SEM1: variants seen among roughly 807,000 people sequenced by gnomAD.
SEM1 encodes the protein SEM1 26S proteasome subunit.
Under a neutral mutation model 12.7 loss-of-function variants are expected in SEM1, and 3 were observed. That is an observed-to-expected ratio of 0.24 (90% CI 0.11 to 0.61). The LOEUF is 0.61. Among genes scored for constraint, SEM1 ranks in the 20% least tolerant of loss-of-function variants. The pLI is 0.88. For synonymous variants in SEM1, 30 were observed against 27.8 expected (o/e 1.08, Z -0.25); for missense variants, 59 against 81.3 (o/e 0.73, Z 1.06).
chr7:96,686,503 A>G (rs1338324462), downstream of SEM1, among the ~76,000 whole-genome samples: 1 of 152,188 alleles, frequency 6.6e-6, no homozygotes, highest in Non-Finnish European at 1.5e-5. Flanking sequence ...TAGGGTGACC[A>G]CATCCTGTAA....
At chr7:96,582,589 A>T (rs1469824472) in intron 2 of SEM1, among the ~76,000 whole-genome samples, 1 of 152,136 alleles carries the variant, frequency 6.6e-6, no homozygotes, top group Non-Finnish European at 1.5e-5. Context: ...TCGGCTGTGA[A>T]TCTGTCTGGT....
Position 96,706,707 on chromosome 7 carries a change from A to G in SEM1, c.76+2981T>C, listed in dbSNP as rs74492824. ...TGTAGCAACGCCACTCCCAAAAGAA[A>G]GACCCACTCCCAAAAGAAAATCTAT... On this transcript the variant is annotated intron_variant, in intron 1 of 2. Transcript: ENST00000248566. Among the ~76,000 whole-genome samples, 725 of 152,258 alleles carry G rather than the reference A, an allele frequency of 4.8e-3. 4 individuals carry two copies. The highest frequency in any genetic ancestry group is 7.1e-3 in the Non-Finnish European group (484 of 68,016).
At chr7:96,639,701 T>C (rs955247492) in intron 2 of SEM1, among the ~76,000 whole-genome samples, 2 of 151,834 alleles carry the variant, frequency 1.3e-5, no homozygotes, top group African/African-American at 2.4e-5. Context: ...AAAGGCATGA[T>C]CCATGAAAGA....
At chr7:96,621,405 A>G (rs974806702), downstream of SEM1, among the ~76,000 whole-genome samples, 4 of 152,176 alleles carry the variant, frequency 2.6e-5, no homozygotes, top group African/African-American at 7.2e-5. Flanking sequence ...TCTTTCCTCA[A>G]TATAAAATGT....
At chr7:96,522,514 T>G (rs897826092) in intron 2 of SEM1, among the ~76,000 whole-genome samples, 7 of 149,734 alleles carry the variant, frequency 4.7e-5, no homozygotes, top group African/African-American at 1.7e-4. Context: ...CACTCCACCA[T>G]GGGACTACTG....
chr7:96,537,581 T>A (rs1320007330), intron 2 of SEM1, among the ~76,000 whole-genome samples: 2 of 151,774 alleles, frequency 1.3e-5, no homozygotes, highest in African/African-American at 2.4e-5. Context: ...ACTCTGTTTT[T>A]ACTTGCATGG....
chr7:96,702,249 C>CAT (rs1338285991), intron 1 of SEM1, among the ~76,000 whole-genome samples: 1 of 151,224 alleles, frequency 6.6e-6, no homozygotes, highest in African/African-American at 2.5e-5. Context: ...TGGTTTTATA[C>CAT]ATACACACAC....
upstream of SEM1, chr7:96,496,434 GC>G (rs370022281): frequency 5.1e-3 from 2,953 of 577,598 alleles, 20 homozygotes; most frequent in African/African-American, 0.024. Flanking sequence ...TCTTTATACT[GC>G]CCCCCCCAAC....
At chr7:96,553,914 C>T (rs1477740321) in intron 2 of SEM1, among the ~76,000 whole-genome samples, 1 of 152,044 alleles carries the variant, frequency 6.6e-6, no homozygotes. Flanking sequence ...CCTTCACATC[C>T]CTTGTAAGTT....
intron 2 of SEM1, among the ~76,000 whole-genome samples, chr7:96,559,334 G>GTGCA (rs1805623255): frequency 6.6e-6 from 1 of 152,162 alleles, no homozygotes; most frequent in Non-Finnish European, 1.5e-5. Flanking sequence ...CCAGGCTGGA[G>GTGCA]TGCAGTGGCA....
intron 2 of SEM1, among the ~76,000 whole-genome samples, chr7:96,661,600 AAGAG>A (rs149206446): frequency 0.051 from 7,734 of 152,248 alleles, 237 homozygotes; most frequent in South Asian, 0.09. Flanking sequence ...TAAAATAGAG[AAGAG>A]AGAAAGACCC....
At chr7:96,679,898 C>T (rs749289393) in intron 2 of SEM1, among the ~76,000 whole-genome samples, 19 of 152,000 alleles carry the variant, frequency 1.3e-4, no homozygotes, top group Non-Finnish European at 2.1e-4. Flanking sequence ...TGCTTGGTGC[C>T]CTGCCCTTAT....
intron 2 of SEM1, among the ~76,000 whole-genome samples, chr7:96,528,057 A>G (rs1804524093): frequency 6.6e-6 from 1 of 152,128 alleles, no homozygotes; most frequent in Admixed American, 6.5e-5. Flanking sequence ...GTTCAAATCC[A>G]GTGGACTCAG....
chr7:96,597,729 C>T (rs994888567), intron 2 of SEM1, among the ~76,000 whole-genome samples: 17 of 151,610 alleles, frequency 1.1e-4, no homozygotes, highest in African/African-American at 3.9e-4. Flanking sequence ...TGCACACACA[C>T]ATAGTCACAT....
chr7:96,502,060 A>G (rs1270519631), intron 3 of SEM1, among the ~76,000 whole-genome samples: 3 of 152,166 alleles, frequency 2.0e-5, no homozygotes, highest in African/African-American at 7.2e-5. Flanking sequence ...ACAAAATTTC[A>G]TTCTTTTTAA....
chr7:96,549,265 G>A (rs1253106218), intron 2 of SEM1, among the ~76,000 whole-genome samples: 1 of 152,174 alleles, frequency 6.6e-6, no homozygotes, highest in Non-Finnish European at 1.5e-5. Flanking sequence ...ATCTCAAGAA[G>A]CCCCTCAGTC....
chr7:96,620,504 G>A (rs995617396), downstream of SEM1, among the ~76,000 whole-genome samples: 4 of 152,180 alleles, frequency 2.6e-5, no homozygotes, highest in Admixed American at 1.3e-4. Context: ...ATCTCTGTGT[G>A]TCAGGCCTGA....
At chr7:96,514,840 A>C (rs1393626306) in intron 2 of SEM1, among the ~76,000 whole-genome samples, 1 of 148,800 alleles carries the variant, frequency 6.7e-6, no homozygotes, top group Non-Finnish European at 1.5e-5. Context: ...AGTTTTTCTC[A>C]CCTGATATAT....
intron 2 of SEM1, among the ~76,000 whole-genome samples, chr7:96,626,270 GAA>G (rs1482897381): frequency 6.6e-6 from 1 of 152,046 alleles, no homozygotes; most frequent in Non-Finnish European, 1.5e-5. Flanking sequence ...ATGAGAATAT[GAA>G]AAGTTTGTTT....
Sources: gnomAD v4.1 joint callset for allele counts (sites outside exome capture counted in the v4.1 genomes callset) on GRCh38, gnomAD v4.1.1 for gene constraint, MANE v1.5 for transcripts, NCBI Gene and HGNC (gene_info 2026-07-23, HGNC 2026-07-21) for gene names.